PTPA: variants seen among roughly 807,000 people sequenced by gnomAD.
PTPA encodes protein phosphatase 2 phosphatase activator.
A neutral mutation model predicts 43.6 loss-of-function variants in PTPA; 13 were observed. The observed-to-expected ratio is 0.30, with a 90% CI of 0.19 to 0.47. The LOEUF is 0.47. Among genes scored for constraint, PTPA ranks in the 20% least tolerant of loss-of-function variants. The pLI is 0.99. For missense variants in PTPA, 329 were observed against 411.9 expected (o/e 0.80, Z 1.74); for synonymous variants, 172 against 158.2 (o/e 1.09, Z -0.66).
intron 4 of PTPA, among the ~76,000 whole-genome samples, chr9:129,129,454 TTTTTTTA>T (rs1473460085): frequency 6.6e-6 from 1 of 151,988 alleles, no homozygotes; most frequent in African/African-American, 2.4e-5. Context: ...AAAAAGGAAT[TTTTTTTA>T]TTTTTTATTT....
At chr9:129,122,020 A>T (rs1190690336) in intron 2 of PTPA, among the ~76,000 whole-genome samples, 1 of 152,020 alleles carries the variant, frequency 6.6e-6, no homozygotes, top group African/African-American at 2.4e-5. Context: ...GAAGAAAGAG[A>T]GAGGAAAAAG....
intron 9 of PTPA, among the ~76,000 whole-genome samples, chr9:129,145,330 G>GGA (rs1851225444): frequency 6.8e-6 from 1 of 146,724 alleles, no homozygotes; most frequent in Non-Finnish European, 1.5e-5. Flanking sequence ...CTCCATCTCA[G>GGA]GAAAAAAAAA....
intron 5 of PTPA, among the ~76,000 whole-genome samples, chr9:129,132,028 C>A (rs1410341962): frequency 2.0e-5 from 3 of 152,210 alleles, no homozygotes; most frequent in Non-Finnish European, 4.4e-5. Context: ...TTCTTGGTGG[C>A]CTTTGCAGTG....
intron 7 of PTPA, among the ~76,000 whole-genome samples, chr9:129,137,059 A>T (rs528562861): frequency 5.3e-5 from 8 of 152,352 alleles, no homozygotes; most frequent in African/African-American, 1.9e-4. Context: ...TGTGGGGCTC[A>T]GAGAGGCCTG....
In PTPA at chr9:129,145,356, G is replaced by A. The variant is rs951919015; in HGVS notation, c.895-2031G>A. Among the ~76,000 whole-genome samples, 10 of 152,024 alleles carry A rather than the reference G, an allele frequency of 6.6e-5. 1 individual carries two copies. Among genetic ancestry groups the A allele is most frequent in the African/African-American group, 2.4e-4 (10 of 41,462 alleles). The stretch of plus-strand genomic sequence containing the variant: ...GAAAAAAAAAAAAAAAGATCACCAA[G>A]TCTTTGCAGTGTTCAACACTCATTG... On this transcript the variant is annotated intron_variant, in intron 9 of 9. Transcript: ENST00000393370.
chr9:129,140,682 C>G (rs1236699991), intron 8 of PTPA, among the ~76,000 whole-genome samples: 2 of 152,114 alleles, frequency 1.3e-5, no homozygotes, highest in African/African-American at 4.8e-5. Context: ...GTTGCTTGCT[C>G]AGAGGGCCCT....
intron 1 of PTPA, among the ~76,000 whole-genome samples, chr9:129,115,002 T>C (rs1848775574): frequency 6.6e-6 from 1 of 152,298 alleles, no homozygotes; most frequent in Admixed American, 6.5e-5. Flanking sequence ...CATCCCTTTT[T>C]TTATTTTTAT....
At chr9:129,142,412 C>G (rs958691085) in intron 8 of PTPA, 33 bp from the exon 9 acceptor site, 1 of 1,540,136 alleles carries the variant, frequency 6.5e-7, no homozygotes, top group African/African-American at 1.4e-5. Context: ...CAGCCAGAAC[C>G]TGTCTCTTCA....
chr9:129,126,536 G>A (rs765160288), intron 3 of PTPA, among the ~76,000 whole-genome samples: 8 of 152,010 alleles, frequency 5.3e-5, no homozygotes, highest in Non-Finnish European at 8.8e-5. Flanking sequence ...TAACATTTTC[G>A]ATTTTTGCAA....
chr9:129,136,374 TG>T (rs1412330185), intron 6 of PTPA, 96 bp from the exon 7 acceptor site: 1 of 1,322,934 alleles, frequency 7.6e-7, no homozygotes, highest in Non-Finnish European at 1.0e-6. Flanking sequence ...CACTCTTCAG[TG>T]GTTATTTTGG....
chr9:129,124,364 C>CCCT (rs10684466), intron 3 of PTPA, among the ~76,000 whole-genome samples: 151,721 of 152,344 alleles, frequency 1, 75,557 homozygotes, highest in Middle Eastern at 1. Flanking sequence ...TTAAACAGCC[C>CCCT]ATCTTCAGAC....
At chr9:129,122,354 C>T (rs975603596) in intron 2 of PTPA, among the ~76,000 whole-genome samples, 1 of 152,204 alleles carries the variant, frequency 6.6e-6, no homozygotes, top group Non-Finnish European at 1.5e-5. Flanking sequence ...CCTCCTGCAT[C>T]AGCCTCCCAA....
chr9:129,133,295 C>T (rs1432414830), intron 5 of PTPA, among the ~76,000 whole-genome samples: 4 of 152,218 alleles, frequency 2.6e-5, no homozygotes, highest in South Asian at 4.1e-4. Flanking sequence ...CCTCTTGGAC[C>T]GGGTGGGGCT....
At chr9:129,134,323 T>A (rs984487752) in intron 5 of PTPA, among the ~76,000 whole-genome samples, 1 of 97,536 alleles carries the variant, frequency 1.0e-5, no homozygotes, top group African/African-American at 3.6e-5. Context: ...TTTTTTTTTT[T>A]TGAGACAGTC....
rs1484025242 is a variant in PTPA at position 129,131,621 on chromosome 9, C to T, written c.442C>T (p.Arg148Cys). 3.1e-6 allele frequency: 5 copies of T among 1,614,100 alleles called. No homozygotes were observed. The highest frequency in any genetic ancestry group is 3.4e-6 in the Non-Finnish European group (4 of 1,179,932). ...YLKESVGNST[R>C]IDYGTGHEAA... Reference sequence around the variant, plus strand: ...AAAGGAGTCAGTGGGGAACTCCACGCGCATTGACTACGGCACAGGTATCTG... The same window carrying T: ...AAAGGAGTCAGTGGGGAACTCCACGTGCATTGACTACGGCACAGGTATCTG... Residue 148 changes from arginine (R) to cysteine (C), a missense_variant, in exon 5 of 10, where the codon CGC becomes TGC. Transcript: ENST00000393370.
At chr9:129,124,358 A>G (rs1176825404) in intron 3 of PTPA, among the ~76,000 whole-genome samples, 1 of 1,440 alleles carries the variant, frequency 6.9e-4, no homozygotes, top group African/African-American at 8.8e-4. Flanking sequence ...ATTTATTTAA[A>G]CAGCCCATCT....
At chr9:129,117,821 C>G (rs374559297) in intron 1 of PTPA, among the ~76,000 whole-genome samples, 20 of 152,088 alleles carry the variant, frequency 1.3e-4, no homozygotes, top group African/African-American at 4.3e-4. Context: ...TTCAGCCTCC[C>G]AAGTAGCTGG....
intron 9 of PTPA, chr9:129,143,178 C>A (rs984859118): frequency 1.6e-6 from 1 of 618,944 alleles, no homozygotes; most frequent in African/African-American, 1.8e-5. Context: ...CACTGTTCTC[C>A]CAGCCAAGGA....
chr9:129,113,239 G>A (rs1282970073), intron 1 of PTPA, among the ~76,000 whole-genome samples: 2 of 151,718 alleles, frequency 1.3e-5, no homozygotes, highest in Admixed American at 6.6e-5. Context: ...GACTACAGGT[G>A]CGCCACCATG....
Sources: allele counts gnomAD v4.1 joint callset (sites outside exome capture counted in the v4.1 genomes callset), GRCh38; gene constraint gnomAD v4.1.1; transcripts MANE v1.5; gene names NCBI Gene and HGNC (gene_info 2026-07-23, HGNC 2026-07-21).